The following CD99L2 variants were observed in gnomAD, a reference collection of about 807,000 sequenced individuals.
CD99L2 encodes the protein CD99 antigen-like protein 2.
In CD99L2, 24 loss-of-function variants were observed where a neutral mutation model predicts 27.3. The observed-to-expected ratio is 0.88, with a 90% CI of 0.64 to 1.24. The LOEUF (loss-of-function observed/expected upper bound fraction) is 1.24. CD99L2 is among the 50% of genes most tolerant of loss of function. The pLI is 0.00. For synonymous variants in CD99L2, 97 were observed against 87.9 expected, an observed-to-expected ratio of 1.10 and a Z score of -0.58; for missense variants, 255 against 221.6, an observed-to-expected ratio of 1.15 and a Z score of -0.96.
chrX:150,794,064 T>C (rs1412535359), intron 6 of CD99L2, among the ~76,000 whole-genome samples: 1 of 111,377 alleles, frequency 9.0e-6, no homozygotes, highest in Non-Finnish European at 1.9e-5. Flanking sequence ...CAATTTGACT[T>C]TGCATTCATC....
intron 1 of CD99L2, among the ~76,000 whole-genome samples, chrX:150,850,884 C>T (rs1291474391): frequency 9.0e-6 from 1 of 111,101 alleles, no homozygotes; most frequent in African/African-American, 3.3e-5. Context: ...GTCACCCAGA[C>T]AGAAGTGCAG....
intron 1 of CD99L2, among the ~76,000 whole-genome samples, chrX:150,896,049 T>G (rs989796768): frequency 2.3e-4 from 21 of 92,200 alleles, no homozygotes; most frequent in African/African-American, 8.0e-4. Context: ...AAAAAAAAGA[T>G]CCAGAAAACT....
chrX:150,803,240 CT>C (rs1263506500), intron 4 of CD99L2, among the ~76,000 whole-genome samples: 1 of 111,420 alleles, frequency 9.0e-6, no homozygotes, highest in Non-Finnish European at 1.9e-5. Context: ...ACCGGATCCT[CT>C]ATACCAAAAT....
chrX:150,846,778 A>G (rs1399736462), intron 1 of CD99L2, among the ~76,000 whole-genome samples: 2 of 111,974 alleles, frequency 1.8e-5, no homozygotes, highest in East Asian at 5.6e-4. Flanking sequence ...ATACGACATA[A>G]GTTTGGGAAA....
At chrX:150,887,967 G>C (rs1440408981) in intron 1 of CD99L2, among the ~76,000 whole-genome samples, 2 of 111,349 alleles carry the variant, frequency 1.8e-5, no homozygotes, top group Non-Finnish European at 3.8e-5. Context: ...GCTCCAGGGA[G>C]GGAGCAATAT....
chrX:150,894,065 C>T (rs1196280836), intron 1 of CD99L2, among the ~76,000 whole-genome samples: 1 of 111,397 alleles, frequency 9.0e-6, no homozygotes, highest in Non-Finnish European at 1.9e-5. Flanking sequence ...AGTACATTCA[C>T]ATATTTTGCA....
chrX:150,893,796 G>A (rs1557422964), intron 1 of CD99L2, among the ~76,000 whole-genome samples: 1 of 109,735 alleles, frequency 9.1e-6, no homozygotes, highest in East Asian at 2.9e-4. Flanking sequence ...GCTTACTGCA[G>A]CCTCTGCCTC....
rs573198897 is a variant in CD99L2 at position 150,872,057 on chromosome X, C to A, written c.67+26465G>T. On this transcript the variant is annotated intron_variant, in intron 1 of 10. Transcript: ENST00000370377. ...ACAAGCCTGGGCAATGTAGGGAGAC[C>A]CTGTCTCTACAAAAAAGTTAAAAAT... Among the ~76,000 whole-genome samples, 15 of 110,336 alleles carry A rather than the reference C, an allele frequency of 1.4e-4. 1 individual carries two copies. The South Asian group carries it at 6.0e-3, about 44-fold the overall frequency.
chrX:150,789,556 T>C (rs1425239584), intron 7 of CD99L2, among the ~76,000 whole-genome samples: 3 of 112,282 alleles, frequency 2.7e-5, no homozygotes, highest in Non-Finnish European at 5.6e-5. Context: ...TAAAGTATTA[T>C]GTGTATGTCT....
Position 150,795,263 on chromosome X carries a change from G to C in CD99L2, c.373C>G (p.Leu125Val). ...LGNDFDLADA[L>V]DDRNDRDDGR... ...TCATCTCGATCATTTCGATCATCCA[G>C]GGCATCAGCCAAGTCAAAATCATTT... is the stretch of plus-strand genomic sequence containing the variant. Residue 125 changes from leucine (L) to valine (V), a missense_variant, in exon 6 of 11, where the codon CTG (leucine) becomes GTG (valine). Coordinates refer to ENST00000370377, the MANE Select transcript of CD99L2 (RefSeq NM_031462.4). The C allele has an allele frequency of 8.3e-7, 1 of 1,211,807 alleles. No homozygotes were observed. Among genetic ancestry groups the C allele is most frequent in the Non-Finnish European group, 1.1e-6 (1 of 895,499 alleles).
rs1177212094 is a variant in CD99L2, at chrX:150,783,572, T to TA, written c.497-6091dup. ...TTTAAGAACTGCATGCTTTGGCCTT[T>TA]AAAAAAATGCCCTCTTGGTGTAAAA... On this transcript the variant is annotated intron_variant, in intron 7 of 10. Transcript: ENST00000370377. 8.9e-5 allele frequency among the ~76,000 whole-genome samples: 10 copies of TA among 111,823 alleles called. No individual in the cohort carries two copies. In the South Asian group the frequency reaches 1.5e-3, roughly 17 times the overall value.
At chrX:150,892,723 A>G (rs1342202001) in intron 1 of CD99L2, among the ~76,000 whole-genome samples, 1 of 110,515 alleles carries the variant, frequency 9.0e-6, no homozygotes, top group Non-Finnish European at 1.9e-5. Flanking sequence ...CCTTCTGAGC[A>G]GACAAAATGG....
chrX:150,817,407 T>TA lies in CD99L2; in HGVS notation c.131-1330dup, dbSNP rs781999034. ...TCAAAAGCAAATAACAATTAGCAAA[T>TA]AAAAAAAAATAAGTGTGGTTACTAC... On this transcript the variant is annotated intron_variant, in intron 2 of 10. Transcript: ENST00000370377. Among the ~76,000 whole-genome samples the TA allele has an allele frequency of 2.0e-4, 22 of 108,676 alleles. No individual in the cohort carries two copies. In the South Asian group the frequency reaches 8.1e-3, roughly 40 times the overall value. The allele number at this position is 108,676 out of a possible 115,157, so 94.4% of individuals were successfully genotyped here. A position where few individuals can be genotyped will look rare whatever the true frequency, so the allele number is the denominator to read the frequency against.
In CD99L2 at chrX:150,768,910, C is replaced by T. The variant is rs2043357467; in HGVS notation, c.*124G>A. 3.8e-6 allele frequency: 4 copies of T among 1,062,370 alleles called. No homozygotes were observed. Among genetic ancestry groups the T allele is most frequent in the Non-Finnish European group, 4.8e-6 (4 of 832,104 alleles). The allele number at this position is 1,062,370 out of a possible 1,213,427, so 87.6% of individuals were successfully genotyped here. A position where few individuals can be genotyped will look rare whatever the true frequency, so the allele number is the denominator to read the frequency against. On this transcript the variant is annotated 3_prime_UTR_variant, in exon 11 of 11. Transcript: ENST00000370377. Reference sequence around the variant, plus strand: ...AAACACCCAGAGCTCATCCGGGAAACTCAGACCAACAAGGAGCCGATGGCA... The same window carrying T: ...AAACACCCAGAGCTCATCCGGGAAATTCAGACCAACAAGGAGCCGATGGCA...
chrX:150,787,132 T>G (rs1290385190), intron 7 of CD99L2, among the ~76,000 whole-genome samples: 1 of 112,400 alleles, frequency 8.9e-6, no homozygotes, highest in East Asian at 2.8e-4. Context: ...GTTGGATGCA[T>G]AGTTTGCAAA....
At chrX:150,852,873 G>A (rs1374299169) in intron 1 of CD99L2, among the ~76,000 whole-genome samples, 1 of 111,833 alleles carries the variant, frequency 8.9e-6, no homozygotes, top group Non-Finnish European at 1.9e-5. Context: ...GGTCATTTGG[G>A]GTTTTCTTTC....
chrX:150,854,443 G>C (rs2046839434), intron 1 of CD99L2, among the ~76,000 whole-genome samples: 1 of 111,646 alleles, frequency 9.0e-6, no homozygotes, highest in Non-Finnish European at 1.9e-5. Context: ...CATAGGCAAA[G>C]AATGATGCCT....
At chrX:150,857,788 A>T (rs2046916237) in intron 1 of CD99L2, among the ~76,000 whole-genome samples, 1 of 112,449 alleles carries the variant, frequency 8.9e-6, no homozygotes, top group Non-Finnish European at 1.9e-5. Flanking sequence ...CAAACAACAT[A>T]CAAAACAACT....
intron 1 of CD99L2, among the ~76,000 whole-genome samples, chrX:150,868,251 G>A (rs1157992869): frequency 9.0e-6 from 1 of 111,378 alleles, no homozygotes; most frequent in African/African-American, 3.3e-5. Context: ...TTCTTGGCTG[G>A]GTACAGTGGC....
Sources: allele counts gnomAD v4.1 joint callset (sites outside exome capture counted in the v4.1 genomes callset), GRCh38; gene constraint gnomAD v4.1.1; transcripts MANE v1.5; gene names NCBI Gene and HGNC (gene_info 2026-07-23, HGNC 2026-07-21).